The following NRG3 variants were observed in gnomAD, a reference collection of about 807,000 sequenced individuals.
NRG3 encodes neuregulin 3.
A neutral mutation model predicts 66.9 loss-of-function variants in NRG3; 31 were observed. The ratio of observed to expected loss-of-function variants is 0.46; its 90% confidence interval spans 0.35 to 0.63. The LOEUF (loss-of-function observed/expected upper bound fraction) is 0.63, where lower values mean the gene tolerates loss of function less well. Among genes scored for constraint, NRG3 ranks in the 20% least tolerant of loss-of-function variants. NRG3 has a pLI of 0.00. For synonymous variants in NRG3, 393 were observed against 359.4 expected (o/e 1.09, Z -1.06); for missense variants, 910 against 878.9 (o/e 1.04, Z -0.45).
chr10:82,626,510 CA>C (rs1158887183), intron 2 of NRG3, among the ~76,000 whole-genome samples: 1 of 151,950 alleles, frequency 6.6e-6, no homozygotes, highest in Non-Finnish European at 1.5e-5. Context: ...AAAGAACAGT[CA>C]AAAGGAAATA....
At chr10:82,877,794 A>T (rs1274225006) in intron 4 of NRG3, among the ~76,000 whole-genome samples, 1 of 152,168 alleles carries the variant, frequency 6.6e-6, no homozygotes, top group Non-Finnish European at 1.5e-5. Context: ...TCCCAAACAT[A>T]TACAGGATAT....
intron 2 of NRG3, among the ~76,000 whole-genome samples, chr10:82,418,507 G>A (rs1339596537): frequency 6.6e-6 from 1 of 151,830 alleles, no homozygotes; most frequent in Non-Finnish European, 1.5e-5. Flanking sequence ...ATCATTCACT[G>A]GGAACATTTG....
chr10:82,580,134 T>G (rs994510890), intron 2 of NRG3, among the ~76,000 whole-genome samples: 24 of 152,046 alleles, frequency 1.6e-4, no homozygotes, highest in African/African-American at 5.5e-4. Context: ...ACTTCATTAT[T>G]TATTGGTATT....
At chr10:82,717,553 C>T (rs2057050561) in intron 2 of NRG3, among the ~76,000 whole-genome samples, 1 of 151,970 alleles carries the variant, frequency 6.6e-6, no homozygotes, top group East Asian at 1.9e-4. Context: ...GCACCCGCCA[C>T]CACGCTTGGT....
intron 3 of NRG3, among the ~76,000 whole-genome samples, chr10:82,790,410 C>T (rs541359032): frequency 7.9e-5 from 12 of 152,166 alleles, no homozygotes; most frequent in African/African-American, 1.2e-4. Context: ...CCCACCACAT[C>T]GTGGCTTCTA....
chr10:82,178,283 A>T (rs563516710), intron 1 of NRG3, among the ~76,000 whole-genome samples: 2 of 152,200 alleles, frequency 1.3e-5, no homozygotes, highest in African/African-American at 4.8e-5. Context: ...AGTATAAAAG[A>T]CAGTATTAAC....
intron 2 of NRG3, among the ~76,000 whole-genome samples, chr10:82,558,163 C>G (rs1407521478): frequency 6.6e-6 from 1 of 152,122 alleles, no homozygotes; most frequent in Non-Finnish European, 1.5e-5. Context: ...CATCTTGAGG[C>G]ACTTCGAGAC....
intron 2 of NRG3, among the ~76,000 whole-genome samples, chr10:82,368,236 G>T (rs1053039183): frequency 4.4e-5 from 6 of 137,778 alleles, no homozygotes; most frequent in Admixed American, 2.7e-4. Flanking sequence ...TTGTTGACAG[G>T]TCAGTGTACT....
At position 82,632,693 on chromosome 10, in the gene NRG3, A is replaced by G. The variant is rs541880588; in HGVS notation, c.954-105884A>G. Among the ~76,000 whole-genome samples the G allele has an allele frequency of 2.8e-4, 43 of 152,318 alleles. No individual in the cohort carries two copies. In the South Asian group the frequency reaches 3.5e-3, roughly 12 times the overall value. On this transcript the variant is annotated intron_variant, in intron 2 of 8. Transcript: ENST00000372141. ...ATTAGTTTAGTAAATGCCATGTTTT[A>G]GGTACCCCAAAATACTTGTGAATCA...
At chr10:82,294,978 G>T (rs541255608) in intron 1 of NRG3, among the ~76,000 whole-genome samples, 1 of 152,026 alleles carries the variant, frequency 6.6e-6, no homozygotes, top group East Asian at 1.9e-4. Context: ...AATTCCTAAT[G>T]AATTTAAATA....
In NRG3 at chr10:81,945,757, A is replaced by G. The variant is rs1030741719; in HGVS notation, c.823+69594A>G. On this transcript the variant is annotated intron_variant, in intron 1 of 8. Coordinates refer to ENST00000372141, the MANE Select transcript of NRG3 (RefSeq NM_001010848.4). ...TAGGGTCATTGCAAATGTAATTAGT[A>G]AAGATGAGGTCATACTGGAGTGGGG... Among the ~76,000 whole-genome samples the G allele has an allele frequency of 7.2e-4, 110 of 152,154 alleles. 7 individuals carry two copies. The highest frequency in any genetic ancestry group is 4.4e-5 in the Non-Finnish European group (3 of 68,042).
At chr10:81,920,345 G>A (rs865951114) in intron 1 of NRG3, among the ~76,000 whole-genome samples, 1 of 152,138 alleles carries the variant, frequency 6.6e-6, no homozygotes, top group African/African-American at 2.4e-5. Context: ...TTTGATTGGA[G>A]TTTTGAAGAA....
intron 2 of NRG3, among the ~76,000 whole-genome samples, chr10:82,531,445 A>G (rs1380107552): frequency 6.6e-6 from 1 of 151,820 alleles, no homozygotes; most frequent in Non-Finnish European, 1.5e-5. Flanking sequence ...TAATGAGAGG[A>G]GATATATATT....
intron 1 of NRG3, among the ~76,000 whole-genome samples, chr10:82,283,051 G>T (rs1201062232): frequency 6.6e-6 from 1 of 152,006 alleles, no homozygotes; most frequent in Non-Finnish European, 1.5e-5. Context: ...AGAGCTCATG[G>T]CACTTAACAC....
chr10:82,330,352 T>C (rs2082083196), intron 1 of NRG3, among the ~76,000 whole-genome samples: 1 of 147,124 alleles, frequency 6.8e-6, no homozygotes, highest in African/African-American at 2.6e-5. Flanking sequence ...ATTTTTATAG[T>C]CATGATTACA....
intron 2 of NRG3, among the ~76,000 whole-genome samples, chr10:82,435,288 G>T (rs951270035): frequency 6.6e-6 from 1 of 151,882 alleles, no homozygotes; most frequent in African/African-American, 2.4e-5. Flanking sequence ...GTCAGTGGTG[G>T]TATCCCCTTT....
chr10:82,506,851 T>G (rs541859372), intron 2 of NRG3, among the ~76,000 whole-genome samples: 1 of 152,332 alleles, frequency 6.6e-6, no homozygotes, highest in Non-Finnish European at 1.5e-5. Context: ...GACTGAATGA[T>G]GTCTATTCCT....
intron 1 of NRG3, among the ~76,000 whole-genome samples, chr10:82,136,139 A>G (rs2069330188): frequency 6.6e-6 from 1 of 152,122 alleles, no homozygotes; most frequent in Admixed American, 6.6e-5. Flanking sequence ...AAAACCTGAG[A>G]GAATTCTCTG....
chr10:82,375,365 G>A (rs1340492834), intron 2 of NRG3, among the ~76,000 whole-genome samples: 1 of 151,974 alleles, frequency 6.6e-6, no homozygotes, highest in Non-Finnish European at 1.5e-5. Context: ...GTAAAACCCC[G>A]TCTCTATTAA....
Sources: allele counts gnomAD v4.1 joint callset (sites outside exome capture counted in the v4.1 genomes callset), GRCh38; gene constraint gnomAD v4.1.1; transcripts MANE v1.5; gene names NCBI Gene and HGNC (gene_info 2026-07-23, HGNC 2026-07-21).